SLC39A11: variants seen among roughly 807,000 people sequenced by gnomAD.
SLC39A11 encodes zinc transporter ZIP11.
A neutral mutation model predicts 36.1 loss-of-function variants in SLC39A11; 33 were observed. The observed-to-expected ratio is 0.91, with a 90% confidence interval of 0.69 to 1.22. SLC39A11 has a LOEUF of 1.22. SLC39A11 is among the 50% of genes most tolerant of loss of function. The probability of loss-of-function intolerance (pLI) is 0.00; values close to 1 mark genes in which losing one functional copy is unlikely to be tolerated. For missense variants in SLC39A11, 432 were observed against 430.3 expected (o/e 1.00, Z -0.03); for synonymous variants, 166 against 170.3 (o/e 0.97, Z 0.20).
intron 6 of SLC39A11, among the ~76,000 whole-genome samples, chr17:72,748,131 G>T (rs538928532): frequency 5.9e-5 from 9 of 152,258 alleles, no homozygotes; most frequent in Admixed American, 3.3e-4. Context: ...AGACTAGCCT[G>T]GCCAACATGG....
rs61453793 is a variant in SLC39A11 at position 72,951,261 on chromosome 17, C to CAAAAAA, written c.307-3392_307-3387dup. Among the ~76,000 whole-genome samples the CAAAAAA allele has an allele frequency of 1.5e-3, 130 of 86,892 alleles. 2 individuals carry two copies. Among genetic ancestry groups the CAAAAAA allele is most frequent in the Non-Finnish European group, 2.0e-3 (87 of 44,348 alleles). The allele number at this position is 86,892 out of a possible 152,430, so 57.0% of individuals were successfully genotyped here. ...TGGGCAACGGAGAGTGACCCTGTTG[C>CAAAAAA]AAAAAAAAAAAAAAAAAGCCAGCAA... On this transcript the variant is annotated intron_variant, in intron 4 of 9. Transcript: ENST00000255559.
intron 5 of SLC39A11, among the ~76,000 whole-genome samples, chr17:72,903,386 T>C (rs1165730520): frequency 6.6e-6 from 1 of 152,158 alleles, no homozygotes; most frequent in Non-Finnish European, 1.5e-5. Flanking sequence ...CAGCCCCTGA[T>C]GCTGGGTCTC....
chr17:72,658,860 G>A (rs989657032), intron 7 of SLC39A11, among the ~76,000 whole-genome samples: 2 of 152,138 alleles, frequency 1.3e-5, no homozygotes, highest in African/African-American at 4.8e-5. Context: ...GCTTATCTCG[G>A]AGCCCAGAGT....
At chr17:72,835,469 A>AT (rs753247288) in intron 6 of SLC39A11, among the ~76,000 whole-genome samples, 12 of 151,954 alleles carry the variant, frequency 7.9e-5, no homozygotes, top group African/African-American at 2.9e-4. Context: ...AATACTCTTT[A>AT]TTTTTTTATT....
At chr17:72,759,126 T>TAATA (rs1028120240) in intron 6 of SLC39A11, among the ~76,000 whole-genome samples, 22 of 151,472 alleles carry the variant, frequency 1.5e-4, no homozygotes, top group African/African-American at 3.2e-4. Context: ...ATAATAATAA[T>TAATA]AATAAATAAT....
chr17:72,868,687 C>T (rs948304663), intron 5 of SLC39A11, among the ~76,000 whole-genome samples: 1 of 143,234 alleles, frequency 7.0e-6, no homozygotes, highest in African/African-American at 2.6e-5. Context: ...GCACATGCCA[C>T]AGGCCCAGCT....
intron 4 of SLC39A11, among the ~76,000 whole-genome samples, chr17:72,979,591 G>A (rs1293752767): frequency 6.6e-6 from 1 of 152,142 alleles, no homozygotes; most frequent in Non-Finnish European, 1.5e-5. Context: ...TCTAGAAAAG[G>A]GAAAATTTGG....
At chr17:72,998,678 A>G (rs1225752167) in intron 4 of SLC39A11, among the ~76,000 whole-genome samples, 1 of 152,214 alleles carries the variant, frequency 6.6e-6, no homozygotes, top group African/African-American at 2.4e-5. Context: ...AAAAAGTCTC[A>G]AGTCCAGACT....
At position 72,798,396 on chromosome 17, in the gene SLC39A11, G is replaced by A. The variant is rs2262641; in HGVS notation, c.601+51238C>T. Reference sequence around the variant, plus strand: ...TGAACAGAGAGAGAGACTGAGCTCTGGTCTCTTCCACTTCTTTCTTTCTTT... The same window carrying A: ...TGAACAGAGAGAGAGACTGAGCTCTAGTCTCTTCCACTTCTTTCTTTCTTT... On this transcript the variant is annotated intron_variant, in intron 6 of 9. Coordinates refer to ENST00000255559, the MANE Select transcript of SLC39A11 (RefSeq NM_139177.4). Among the ~76,000 whole-genome samples the A allele has an allele frequency of 2.0e-3, 297 of 148,848 alleles. 3 individuals carry two copies. Among genetic ancestry groups the A allele is most frequent in the Middle Eastern group, 3.6e-3 (1 of 280 alleles).
Position 72,647,668 on chromosome 17 carries a change from A to G in SLC39A11, c.930-6T>C. Reference sequence around the variant, plus strand: ...ATGCCAGTTTCCCATTACCACTGGAAGAGAAGGACAGGAAGAAAAGTAAGA... The same window carrying G: ...ATGCCAGTTTCCCATTACCACTGGAGGAGAAGGACAGGAAGAAAAGTAAGA... On this transcript the variant is annotated splice_region_variant and splice_polypyrimidine_tract_variant and intron_variant, in intron 9 of 9. Coordinates refer to ENST00000255559, the MANE Select transcript of SLC39A11 (RefSeq NM_139177.4). The G allele has an allele frequency of 1.2e-6, 2 of 1,613,214 alleles. No homozygotes were observed. The highest frequency in any genetic ancestry group is 1.1e-5 in the South Asian group (1 of 91,012).
At chr17:73,067,788 G>A in intron 3 of SLC39A11, 1 of 1,218,972 alleles carries the variant, frequency 8.2e-7, no homozygotes, top group Non-Finnish European at 1.2e-6. Flanking sequence ...TAAGTCTCTT[G>A]CCACAAGCAT....
At chr17:73,063,358 T>C (rs1030506993) in intron 3 of SLC39A11, among the ~76,000 whole-genome samples, 2 of 152,204 alleles carry the variant, frequency 1.3e-5, no homozygotes, top group African/African-American at 2.4e-5. Context: ...ACGCTGCTAA[T>C]AGAACCTCAT....
chr17:72,845,412 G>C (rs544475334), intron 6 of SLC39A11, among the ~76,000 whole-genome samples: 1 of 152,250 alleles, frequency 6.6e-6, no homozygotes, highest in African/African-American at 2.4e-5. Context: ...CTTTGCACTG[G>C]CTGTTCCCTC....
rs574410400 is a variant in SLC39A11, at chr17:72,671,432, A to G, written c.672-22164T>C. Among the ~76,000 whole-genome samples the G allele has an allele frequency of 9.3e-4, 142 of 152,346 alleles. 2 individuals carry two copies. Among genetic ancestry groups the G allele is most frequent in the Non-Finnish European group, 9.0e-4 (61 of 68,030 alleles). ...CTAAACCACACATACAAAAATAGCT[A>G]TATTTAGGCTGGCTGCGGCAGCTCA... On this transcript the variant is annotated intron_variant, in intron 7 of 9. Transcript: ENST00000255559.
intron 2 of SLC39A11, 145 bp from the exon 3 acceptor site, chr17:73,084,991 T>C (rs141280419): frequency 1.0e-5 from 8 of 795,024 alleles, no homozygotes; most frequent in East Asian, 2.6e-5. Flanking sequence ...GTTTATACCA[T>C]GGGCCAAGAA....
chr17:72,723,988 C>A (rs2073818444), intron 7 of SLC39A11, among the ~76,000 whole-genome samples: 1 of 152,184 alleles, frequency 6.6e-6, no homozygotes, highest in Non-Finnish European at 1.5e-5. Context: ...AGGAGTAGTT[C>A]TTCTTCCCTG....
intron 2 of SLC39A11, among the ~76,000 whole-genome samples, chr17:73,087,989 C>A (rs1001986652): frequency 6.6e-6 from 1 of 152,120 alleles, no homozygotes; most frequent in Non-Finnish European, 1.5e-5. Flanking sequence ...CGCATAGTAC[C>A]ACTTGCTCCA....
At chr17:73,079,305 C>T (rs1377312424) in intron 3 of SLC39A11, among the ~76,000 whole-genome samples, 1 of 152,122 alleles carries the variant, frequency 6.6e-6, no homozygotes, top group Non-Finnish European at 1.5e-5. Context: ...CCATGTTGGT[C>T]ACGCTGGTCT....
chr17:72,676,822 C>T (rs991315596), intron 7 of SLC39A11, among the ~76,000 whole-genome samples: 4 of 152,096 alleles, frequency 2.6e-5, no homozygotes, highest in African/African-American at 9.7e-5. Flanking sequence ...AATAAAATCT[C>T]GGGCACTGGT....
Sources: allele counts gnomAD v4.1 joint callset (sites outside exome capture counted in the v4.1 genomes callset), GRCh38; gene constraint gnomAD v4.1.1; transcripts MANE v1.5; gene names NCBI Gene and HGNC (gene_info 2026-07-23, HGNC 2026-07-21).